SYPL2: variants seen among roughly 807,000 people sequenced by gnomAD.
SYPL2 encodes the protein synaptophysin-like protein 2.
In SYPL2, 24 loss-of-function variants were observed where a neutral mutation model predicts 31.3. The observed-to-expected ratio is 0.77, with a 90% confidence interval of 0.56 to 1.08. The LOEUF (loss-of-function observed/expected upper bound fraction) is 1.08, where lower values mean the gene tolerates loss of function less well. SYPL2 is among the 50% of genes least tolerant of loss of function. The probability of loss-of-function intolerance (pLI) is 0.00; values close to 1 mark genes in which losing one functional copy is unlikely to be tolerated. For synonymous variants in SYPL2, 144 were observed against 143.1 expected (o/e 1.01, Z -0.05); for missense variants, 342 against 360.1 (o/e 0.95, Z 0.41).
At chr1:109,476,498 G>A (rs1262416665) in intron 3 of SYPL2, among the ~76,000 whole-genome samples, 1 of 152,142 alleles carries the variant, frequency 6.6e-6, no homozygotes, top group African/African-American at 2.4e-5. Flanking sequence ...TGACCTAAAG[G>A]GCCCTGGAGA....
At position 109,466,852 on chromosome 1, in the gene SYPL2, G is replaced by T. The variant is rs2100996976; in HGVS notation, c.9G>T (p.Ser3=). MS[S]TESAGRTADK... Reference sequence around the variant, plus strand: ...GCGCTCGCCGCGCCAGCATGTCCTCGACCGAGAGCGCCGGCCGCACGGCGG... The same window carrying T: ...GCGCTCGCCGCGCCAGCATGTCCTCTACCGAGAGCGCCGGCCGCACGGCGG... Residue 3 remains serine, a synonymous_variant, in exon 1 of 6, where the codon TCG becomes TCT. Coordinates refer to ENST00000369872, the MANE Select transcript of SYPL2 (RefSeq NM_001040709.2). The T allele has an allele frequency of 1.3e-6, 2 of 1,527,668 alleles. No homozygotes were observed. Among genetic ancestry groups the T allele is most frequent in the South Asian group, 1.2e-5 (1 of 83,566 alleles). The allele number at this position is 1,527,668 out of a possible 1,614,324, so 94.6% of individuals were successfully genotyped here.
At chr1:109,477,744 A>T in intron 4 of SYPL2, 74 bp from the exon 5 acceptor site, 1 of 1,534,080 alleles carries the variant, frequency 6.5e-7, no homozygotes, top group Non-Finnish European at 8.8e-7. Context: ...TGCCAGTATC[A>T]TGGCAAGTGG....
chr1:109,475,589 T>C lies in SYPL2; in HGVS notation c.138T>C (p.Ala46=), dbSNP rs900630749. The part of the protein sequence containing the change: ...GFIKVLQWLF[A]IFAFGSCGSY... ...GCTTCACTCTCTCTCAGCTCTTTGC[T>C]ATTTTCGCCTTCGGGTCCTGTGGCT... Residue 46 remains alanine (A), a synonymous_variant, in exon 3 of 6, where the codon GCT becomes GCC. Coordinates refer to ENST00000369872, the MANE Select transcript of SYPL2 (RefSeq NM_001040709.2). 1 of 1,614,042 alleles carries C rather than the reference T, an allele frequency of 6.2e-7. No homozygotes were observed. The highest frequency in any genetic ancestry group is 8.5e-7 in the Non-Finnish European group (1 of 1,179,906).
At chr1:109,477,645 T>C (rs557790210) in intron 4 of SYPL2, among the ~76,000 whole-genome samples, 173 bp from the exon 5 acceptor site, 1 of 152,254 alleles carries the variant, frequency 6.6e-6, no homozygotes. Context: ...CAGGACTCCT[T>C]TGGGGGCAGT....
intron 2 of SYPL2, among the ~76,000 whole-genome samples, chr1:109,469,526 A>G (rs10745305): frequency 0.67 from 101,519 of 150,526 alleles, 34,996 homozygotes; most frequent in East Asian, 0.96. Context: ...ATCAAATCAT[A>G]GGAGTTCAAG....
At position 109,476,959 on chromosome 1, in the gene SYPL2, C is replaced by G. The variant is rs1157041996; in HGVS notation, c.438C>G (p.Asn146Lys). Residue 146 changes from asparagine (N) to lysine (K), a missense_variant, in exon 4 of 6, where the codon AAC becomes AAG. Transcript: ENST00000369872. ...GCTTCCACAACCTCTACACAGAGAACAAACGCTTCCCGCTGGTGGTGAGTC... is the reference window on the plus strand; with the variant it reads ...GCTTCCACAACCTCTACACAGAGAAGAAACGCTTCCCGCTGGTGGTGAGTC... ...YLRFHNLYTENKRFPLVDFCV... is the reference protein window; with the variant it reads ...YLRFHNLYTEKKRFPLVDFCV... 6.2e-7 allele frequency: 1 copy of G among 1,614,214 alleles called. No individual in the cohort carries two copies. Among genetic ancestry groups the G allele is most frequent in the Non-Finnish European group, 8.5e-7 (1 of 1,180,044 alleles).
chr1:109,480,522 T>G lies in SYPL2; in HGVS notation c.*974T>G, dbSNP rs76084834. ...TTGAAGTCTGTCCAGGCCTTCCTTTTATTCCTGTGGGGCCAGACAGGGGCT... is the reference window on the plus strand; with the variant it reads ...TTGAAGTCTGTCCAGGCCTTCCTTTGATTCCTGTGGGGCCAGACAGGGGCT... On this transcript the variant is annotated 3_prime_UTR_variant, in exon 6 of 6. Coordinates refer to ENST00000369872, the MANE Select transcript of SYPL2 (RefSeq NM_001040709.2). 0.068 allele frequency: 10,420 copies of G among 152,274 alleles called. 422 individuals are homozygous for G. The highest frequency in any genetic ancestry group is 0.13 in the South Asian group (649 of 4,812). 9.4% of individuals were successfully genotyped at this position (152,274 alleles called of 1,614,324 possible).
chr1:109,475,673 C>A lies in SYPL2; in HGVS notation c.222C>A (p.Ser74Arg). ...GCAACAACGAAGCCAAGGACGTGAGCTCCATCATCGTTGCATTTGGCTATC... is the reference window on the plus strand; with the variant it reads ...GCAACAACGAAGCCAAGGACGTGAGATCCATCATCGTTGCATTTGGCTATC... ...VRCNNEAKDV[S>R]SIIVAFGYPF... is the part of the protein sequence containing the mutation. Residue 74 changes from serine to arginine, a missense_variant, in exon 3 of 6, where the codon AGC (serine) becomes AGA (arginine). By Grantham distance (110) the Ser-to-Arg change is moderately radical. Coordinates refer to ENST00000369872, the MANE Select transcript of SYPL2 (RefSeq NM_001040709.2). 6.2e-7 allele frequency: 1 copy of A among 1,614,128 alleles called. No individual in the cohort carries two copies. The highest frequency in any genetic ancestry group is 8.5e-7 in the Non-Finnish European group (1 of 1,179,976).
intron 1 of SYPL2, 31 bp from the exon 2 acceptor site, chr1:109,467,028 C>G (rs577071741): frequency 6.8e-7 from 1 of 1,476,246 alleles, no homozygotes; most frequent in Middle Eastern, 1.7e-4. Flanking sequence ...TCCCCACCGC[C>G]CTGACCCCCC....
chr1:109,466,558 A>G lies in SYPL2; in HGVS notation c.-286A>G. 2.7e-6 allele frequency: 1 copy of G among 375,138 alleles called. No individual in the cohort carries two copies. Among genetic ancestry groups the G allele is most frequent in the Admixed American group, 4.8e-5 (1 of 20,860 alleles). 23.2% of individuals were successfully genotyped at this position (375,138 alleles called of 1,614,324 possible). A position where few individuals can be genotyped will look rare whatever the true frequency, so the allele number is the denominator to read the frequency against. ...GCGCACGCCACGTGACCCGGCGGCC[A>G]AGTTCGCTGCGAGTTTGACAGAAGT... On this transcript the variant is annotated 5_prime_UTR_variant, in exon 1 of 6. Transcript: ENST00000369872.
In SYPL2 at chr1:109,479,870, G is replaced by A. The variant is rs1656113877; in HGVS notation, c.*322G>A. 2 of 299,108 alleles carry A rather than the reference G, an allele frequency of 6.7e-6. No homozygotes were observed. The highest frequency in any genetic ancestry group is 1.2e-5 in the Non-Finnish European group (2 of 160,798). The allele number at this position is 299,108 out of a possible 1,614,324, so 18.5% of individuals were successfully genotyped here. On this transcript the variant is annotated 3_prime_UTR_variant, in exon 6 of 6. Coordinates refer to ENST00000369872, the MANE Select transcript of SYPL2 (RefSeq NM_001040709.2). ...CCTCTGCTGCAGGTGAGGGTTGGGG[G>A]CAGGAAACCAGTGCTCTGAGACTGG...
rs781776070 is a variant in SYPL2, at chr1:109,480,824, A to G, written c.*1276A>G. 1 of 152,444 alleles carries G rather than the reference A, an allele frequency of 6.6e-6. No homozygotes were observed. The highest frequency in any genetic ancestry group is 1.5e-5 in the Non-Finnish European group (1 of 68,072). 9.4% of individuals were successfully genotyped at this position (152,444 alleles called of 1,614,324 possible). The stretch of plus-strand genomic sequence containing the variant: ...TCTTCACTTTGGGACCCAGTTCCAT[A>G]TTTGTCTTTAGTGTATATCCTCTTC... On this transcript the variant is annotated 3_prime_UTR_variant, in exon 6 of 6. Coordinates refer to ENST00000369872, the MANE Select transcript of SYPL2 (RefSeq NM_001040709.2).
chr1:109,479,449 T>G lies in SYPL2; in HGVS notation c.720T>G (p.His240Gln). Residue 240 changes from histidine to glutamine, a missense_variant, in exon 6 of 6, where the codon CAT (histidine) becomes CAG (glutamine). By Grantham distance (24) the His-to-Gln change is conservative. Transcript: ENST00000369872. ...TTGTGTTCAAGGAGACCCCGTGGCA[T>G]GGACAGGGCCAGGGCCAGGACCAGG... The part of the protein sequence containing the change: ...CWFVFKETPW[H>Q]GQGQGQDQDQ... 1 of 1,608,766 alleles carries G rather than the reference T, an allele frequency of 6.2e-7. No individual in the cohort carries two copies. The highest frequency in any genetic ancestry group is 8.5e-7 in the Non-Finnish European group (1 of 1,175,056).
At position 109,466,597 on chromosome 1, in the gene SYPL2, G is replaced by T. The variant is rs569776837; in HGVS notation, c.-247G>T. On this transcript the variant is annotated 5_prime_UTR_variant, in exon 1 of 6. Coordinates refer to ENST00000369872, the MANE Select transcript of SYPL2 (RefSeq NM_001040709.2). The stretch of plus-strand genomic sequence containing the variant: ...TTTGACAGAAGTTTGAATCCGAGTC[G>T]GGGGCTTTCTGCTGCCGGCGGGGCA... 190 of 404,824 alleles carry T rather than the reference G, an allele frequency of 4.7e-4. 6 individuals carry two copies. The South Asian group carries it at 0.012, about 26-fold the overall frequency. The allele number at this position is 404,824 out of a possible 1,614,324, so 25.1% of individuals were successfully genotyped here.
intron 2 of SYPL2, 111 bp downstream of exon 2, chr1:109,467,244 G>A: frequency 1.3e-6 from 1 of 764,840 alleles, no homozygotes; most frequent in Non-Finnish European, 2.0e-6. Context: ...GGGCCACGGC[G>A]GAAGGGTGGG....
rs889068126 is a variant in SYPL2 at position 109,470,459 on chromosome 1, G to A, written c.129+3326G>A. On this transcript the variant is annotated intron_variant, in intron 2 of 5. Coordinates refer to ENST00000369872, the MANE Select transcript of SYPL2 (RefSeq NM_001040709.2). ...GGGAGCCTCATCCTTAAACTGGAAA[G>A]GTTTAAGGTTGCAAAAGAGATGCAG... Among the ~76,000 whole-genome samples the A allele has an allele frequency of 2.0e-5, 3 of 152,212 alleles. No individual in the cohort carries two copies. The East Asian group carries it at 5.8e-4, about 29-fold the overall frequency.
At position 109,467,664 on chromosome 1, in the gene SYPL2, A is replaced by G. The variant is rs113762624; in HGVS notation, c.129+531A>G. ...GTTCCCTTTTGAGGTCACTGGAGTA[A>G]TCCGAGTTCCTGTAAATGAGTGAGG... On this transcript the variant is annotated intron_variant, in intron 2 of 5. Coordinates refer to ENST00000369872, the MANE Select transcript of SYPL2 (RefSeq NM_001040709.2). Among the ~76,000 whole-genome samples the G allele has an allele frequency of 4.9e-3, 741 of 152,288 alleles. 10 individuals are homozygous for G. The highest frequency in any genetic ancestry group is 0.017 in the African/African-American group (712 of 41,570).
Position 109,481,129 on chromosome 1 carries a change from T to TA in SYPL2, c.*1582dup, listed in dbSNP as rs1656148937. On this transcript the variant is annotated 3_prime_UTR_variant, in exon 6 of 6. Coordinates refer to ENST00000369872, the MANE Select transcript of SYPL2 (RefSeq NM_001040709.2). The stretch of plus-strand genomic sequence containing the variant: ...ACACCATCCATAGTAACATGTGCAT[T>TA]ACTGGGGTACCTAGGAGTCAGGACT... 1 of 152,706 alleles carries TA rather than the reference T, an allele frequency of 6.5e-6. No homozygotes were observed. The highest frequency in any genetic ancestry group is 1.5e-5 in the Non-Finnish European group (1 of 68,068). 9.5% of individuals were successfully genotyped at this position (152,706 alleles called of 1,614,324 possible).
At chr1:109,476,685 G>A (rs1656005544) in intron 3 of SYPL2, 91 bp from the exon 4 acceptor site, 1 of 1,334,152 alleles carries the variant, frequency 7.5e-7, no homozygotes, top group Non-Finnish European at 1.0e-6. Context: ...CTCTGTAAGA[G>A]TCCCCTGCTG....
Sources: gnomAD v4.1 joint callset for allele counts (sites outside exome capture counted in the v4.1 genomes callset) on GRCh38, gnomAD v4.1.1 for gene constraint, MANE v1.5 for transcripts, NCBI Gene and HGNC (gene_info 2026-07-23, HGNC 2026-07-21) for gene names.